PDE1C: variants seen among roughly 807,000 people sequenced by gnomAD.
PDE1C encodes the protein dual specificity calcium/calmodulin-dependent 3',5'-cyclic nucleotide phosphodiesterase 1C.
Under a neutral mutation model 93.1 loss-of-function variants are expected in PDE1C, and 62 were observed. That is an observed-to-expected ratio of 0.67 (90% CI 0.54 to 0.82). The LOEUF (loss-of-function observed/expected upper bound fraction) is 0.82. Among genes scored for constraint, PDE1C ranks in the 40% least tolerant of loss-of-function variants. PDE1C has a pLI of 0.00. For synonymous variants in PDE1C, 325 were observed against 310.1 expected (o/e 1.05, Z -0.50); for missense variants, 742 against 884.6 (o/e 0.84, Z 2.04).
Position 31,837,898 on chromosome 7 carries a change from T to C in PDE1C, c.1054A>G (p.Met352Val). The change falls in exon 10 of 18, where the codon ATG becomes GTG. Residue 352 changes from methionine to valine, a missense_variant. By Grantham distance (21) the Met-to-Val change is conservative. This residue lies in a region of PDE1C where 454 missense variants were observed against 459.4 expected (regional missense o/e 0.99). Transcript: ENST00000396191. ...MSCHFQQIKA[M>V]KTALQQPEAI... is the part of the protein sequence containing the mutation. Reference sequence around the variant, plus strand: ...TCTGGCTGCTGCAGAGCAGTCTTCATTGCTTTGATTTGTTGGAAGTGACAA... The same window carrying C: ...TCTGGCTGCTGCAGAGCAGTCTTCACTGCTTTGATTTGTTGGAAGTGACAA... 3 of 1,613,658 alleles carry C rather than the reference T, an allele frequency of 1.9e-6. No individual in the cohort carries two copies. Among genetic ancestry groups the C allele is most frequent in the Non-Finnish European group, 1.7e-6 (2 of 1,179,554 alleles).
At chr7:31,864,110 C>A (rs1456777864) in intron 7 of PDE1C, among the ~76,000 whole-genome samples, 1 of 151,970 alleles carries the variant, frequency 6.6e-6, no homozygotes, top group Admixed American at 6.6e-5. Flanking sequence ...CCTTTAATGG[C>A]TATATCTTTT....
Position 31,909,732 on chromosome 7 carries a change from C to A in PDE1C, c.129-28872G>T, listed in dbSNP as rs575228423. Among the ~76,000 whole-genome samples the A allele has an allele frequency of 2.0e-5, 3 of 152,172 alleles. No individual in the cohort carries two copies. The East Asian group carries it at 5.8e-4, about 29-fold the overall frequency. ...TTTTAATTGAAATATAGTATTATCACCATGTTCATTTTTCAGATGAGTTCT... is the reference window on the plus strand; with the variant it reads ...TTTTAATTGAAATATAGTATTATCAACATGTTCATTTTTCAGATGAGTTCT... On this transcript the variant is annotated intron_variant, in intron 2 of 17. Coordinates refer to ENST00000396191, the MANE Select transcript of PDE1C (RefSeq NM_001191057.4).
chr7:31,940,968 C>T (rs1805762280), intron 2 of PDE1C, among the ~76,000 whole-genome samples: 2 of 151,952 alleles, frequency 1.3e-5, no homozygotes, highest in South Asian at 2.1e-4. Flanking sequence ...CACCTCCACA[C>T]ACAAATAGGA....
intron 16 of PDE1C, among the ~76,000 whole-genome samples, chr7:31,803,261 G>GTC (rs1335644209): frequency 6.6e-6 from 1 of 151,524 alleles, no homozygotes; most frequent in African/African-American, 2.4e-5. Context: ...TTTGATTTTA[G>GTC]TCTTTTAAAA....
intron 1 of PDE1C, among the ~76,000 whole-genome samples, chr7:32,346,978 C>T (rs1668386): frequency 0.8 from 121,818 of 152,194 alleles, 49,110 homozygotes; most frequent in Admixed American, 0.85. Context: ...TTTAGGGTAA[C>T]GGAAGTATTT....
chr7:32,416,032 C>T (rs1376276), intron 1 of PDE1C, among the ~76,000 whole-genome samples: 26,421 of 152,102 alleles, frequency 0.17, 5,083 homozygotes, highest in African/African-American at 0.48. Flanking sequence ...GCAACGGTGC[C>T]CTCCCTGATG....
intron 6 of PDE1C, among the ~76,000 whole-genome samples, chr7:31,869,003 A>C (rs992534593): frequency 2.0e-5 from 3 of 152,124 alleles, no homozygotes; most frequent in African/African-American, 7.2e-5. Context: ...TGCAGAGGGA[A>C]TTCCTTATTA....
Position 32,246,181 on chromosome 7 carries a change from C to T in PDE1C, c.86-36642G>A, listed in dbSNP as rs148485132. On this transcript the variant is annotated intron_variant, in intron 1 of 18. Transcript: ENST00000396193. ...ACAAGGTTTCACTATGTTTCCCAGG[C>T]TGGTCTCAAATTCCTGGGCTCGAGC... Among the ~76,000 whole-genome samples, 40 of 152,110 alleles carry T rather than the reference C, an allele frequency of 2.6e-4. No homozygotes were observed. The East Asian group carries it at 7.4e-3, about 28-fold the overall frequency.
At chr7:31,996,011 A>G (rs1017072992) in intron 2 of PDE1C, among the ~76,000 whole-genome samples, 1 of 150,796 alleles carries the variant, frequency 6.6e-6, no homozygotes, top group African/African-American at 2.4e-5. Context: ...TCTGTTTAGC[A>G]GGAAGCTTCC....
the PDE1C span, among the ~76,000 whole-genome samples, chr7:31,724,662 G>T: frequency 6.6e-6 from 1 of 152,214 alleles, no homozygotes; most frequent in Non-Finnish European, 1.5e-5. Flanking sequence ...TGAGAAACCT[G>T]CTAAAGTGTC....
chr7:32,218,899 G>T (rs1270943618), intron 1 of PDE1C, among the ~76,000 whole-genome samples: 1 of 152,154 alleles, frequency 6.6e-6, no homozygotes, highest in Non-Finnish European at 1.5e-5. Context: ...CCTCCCATCT[G>T]TTGGGCTCCC....
At chr7:32,058,599 C>A (rs913497002) in intron 1 of PDE1C, among the ~76,000 whole-genome samples, 1 of 152,166 alleles carries the variant, frequency 6.6e-6, no homozygotes, top group Non-Finnish European at 1.5e-5. Context: ...TTAATCTACG[C>A]GCTACTGAGA....
At chr7:32,023,131 A>T (rs796094287) in intron 2 of PDE1C, among the ~76,000 whole-genome samples, 11 of 152,236 alleles carry the variant, frequency 7.2e-5, no homozygotes, top group African/African-American at 2.6e-4. Flanking sequence ...TTGCCTTTAA[A>T]GAACTAAGAA....
chr7:32,227,249 G>A (rs1321213212), intron 1 of PDE1C, among the ~76,000 whole-genome samples: 1 of 152,130 alleles, frequency 6.6e-6, no homozygotes, highest in Non-Finnish European at 1.5e-5. Flanking sequence ...TACCAGCCCA[G>A]CTGGAGAAGG....
chr7:31,966,666 G>A (rs1810022421), intron 2 of PDE1C, among the ~76,000 whole-genome samples: 5 of 152,184 alleles, frequency 3.3e-5, no homozygotes. Context: ...ATTCTTTTCA[G>A]CATCACAACA....
chr7:32,269,257 G>T (rs564336723), intron 1 of PDE1C, among the ~76,000 whole-genome samples: 4 of 152,302 alleles, frequency 2.6e-5, no homozygotes, highest in South Asian at 2.1e-4. Flanking sequence ...TGAGCCAGGG[G>T]GGGTGAGATG....
rs141306624 is a variant in PDE1C at position 31,991,703 on chromosome 7, TTAAA to T, written c.128+59847_128+59850del. ...TGACCTCTGTTGTAGGGTTGAAGAA[TTAAA>T]TAAAGTATGTGTATGTCTGTGTATA... On this transcript the variant is annotated intron_variant, in intron 2 of 17. Coordinates refer to ENST00000396191, the MANE Select transcript of PDE1C (RefSeq NM_001191057.4). Among the ~76,000 whole-genome samples the T allele has an allele frequency of 3.3e-5, 5 of 152,300 alleles. No individual in the cohort carries two copies. The East Asian group carries it at 9.7e-4, about 29-fold the overall frequency.
At chr7:31,807,880 G>C (rs2128706809) in intron 16 of PDE1C, among the ~76,000 whole-genome samples, 1 of 151,826 alleles carries the variant, frequency 6.6e-6, no homozygotes, top group Non-Finnish European at 1.5e-5. Context: ...AATTATTCAA[G>C]AAGGGTACAC....
At chr7:32,128,301 G>A (rs1290490905) in intron 3 of PDE1C, among the ~76,000 whole-genome samples, 1 of 151,838 alleles carries the variant, frequency 6.6e-6, no homozygotes, top group East Asian at 1.9e-4. Context: ...ATATTTATAT[G>A]TAGTGGAAAA....
Sources: allele counts gnomAD v4.1 joint callset (sites outside exome capture counted in the v4.1 genomes callset), GRCh38; gene constraint gnomAD v4.1.1; regional missense constraint gnomAD v4.1.1; transcripts MANE v1.5; gene names NCBI Gene and HGNC (gene_info 2026-07-23, HGNC 2026-07-21).